Variants in PRKG1 observed in about 807,000 individuals in gnomAD.
PRKG1 encodes protein kinase cGMP-dependent 1.
A neutral mutation model predicts 88.1 loss-of-function variants in PRKG1; 35 were observed. The ratio of observed to expected loss-of-function variants is 0.40; its 90% CI spans 0.30 to 0.53. The LOEUF is 0.53. PRKG1 is among the 20% of genes least tolerant of loss of function. The pLI is 0.59. For synonymous variants in PRKG1, 303 were observed against 292.5 expected (o/e 1.04, Z -0.37); for missense variants, 540 against 839.8 (o/e 0.64, Z 4.41).
chr10:51,079,494 C>T (rs1220724578), intron 1 of PRKG1, among the ~76,000 whole-genome samples: 1 of 152,172 alleles, frequency 6.6e-6, no homozygotes, highest in Non-Finnish European at 1.5e-5. Flanking sequence ...AGCAAAGTGA[C>T]AGCACAGAAA....
At position 51,632,923 on chromosome 10, in the gene PRKG1, G is replaced by A. The variant is rs556399116; in HGVS notation, c.592+165087G>A. Among the ~76,000 whole-genome samples, 4 of 152,236 alleles carry A rather than the reference G, an allele frequency of 2.6e-5. No individual in the cohort carries two copies. In the East Asian group the frequency reaches 7.7e-4, roughly 29 times the overall value. ...GTAGGAGTAATGCTTTGAGCCCTTA[G>A]TATTTTCCAAACTCTTATCAGCCTC... is the stretch of plus-strand genomic sequence containing the variant. On this transcript the variant is annotated intron_variant, in intron 3 of 17. Transcript: ENST00000373980.
At chr10:52,275,617 T>C (rs1841853992) in intron 12 of PRKG1, among the ~76,000 whole-genome samples, 1 of 152,174 alleles carries the variant, frequency 6.6e-6, no homozygotes, top group Admixed American at 6.6e-5. Context: ...GTTAGTGTGA[T>C]GTCTCCAGAT....
upstream of PRKG1, among the ~76,000 whole-genome samples, chr10:51,070,954 A>C (rs1028256994): frequency 1.3e-5 from 2 of 152,198 alleles, no homozygotes; most frequent in South Asian, 2.1e-4. Context: ...TCTAATGTCA[A>C]AGCTTCATCT....
At chr10:51,814,862 G>T (rs2132630432) in intron 4 of PRKG1, among the ~76,000 whole-genome samples, 1 of 152,136 alleles carries the variant, frequency 6.6e-6, no homozygotes, top group Middle Eastern at 3.4e-3. Flanking sequence ...ATTTCATATT[G>T]TTACTTTCAC....
intron 3 of PRKG1, among the ~76,000 whole-genome samples, chr10:51,680,905 A>T (rs1423571383): frequency 6.6e-6 from 1 of 152,218 alleles, no homozygotes; most frequent in African/African-American, 2.4e-5. Flanking sequence ...GATGAGTAAA[A>T]TGAGCTAGTT....
chr10:52,084,630 A>G (rs1003049918), intron 7 of PRKG1, among the ~76,000 whole-genome samples: 5 of 152,046 alleles, frequency 3.3e-5, no homozygotes, highest in Non-Finnish European at 7.4e-5. Flanking sequence ...AACAAGTTCA[A>G]TCGTTCACCC....
chr10:51,999,318 T>C (rs945244245), intron 5 of PRKG1, among the ~76,000 whole-genome samples: 6 of 152,190 alleles, frequency 3.9e-5, no homozygotes, highest in African/African-American at 1.4e-4. Flanking sequence ...CCGGAAGGGA[T>C]GCCATCTGTT....
intron 2 of PRKG1, among the ~76,000 whole-genome samples, chr10:51,445,406 C>T (rs293253): frequency 1.3e-5 from 2 of 150,732 alleles, no homozygotes; most frequent in Non-Finnish European, 3.0e-5. Context: ...TAAAAGTTAG[C>T]CTTTGATCAT....
chr10:52,213,165 G>GT (rs1840024642), intron 9 of PRKG1, among the ~76,000 whole-genome samples: 1 of 151,340 alleles, frequency 6.6e-6, no homozygotes, highest in African/African-American at 2.4e-5. Flanking sequence ...AAACTTAAAA[G>GT]TATAATAAAA....
At chr10:51,187,821 TA>T (rs532092321) in intron 2 of PRKG1, among the ~76,000 whole-genome samples, 258 of 152,166 alleles carry the variant, frequency 1.7e-3, no homozygotes, top group African/African-American at 5.7e-3. Context: ...ATGAAAAGAT[TA>T]TTTTTTTATG....
intron 3 of PRKG1, among the ~76,000 whole-genome samples, chr10:51,497,531 G>T (rs773939897): frequency 6.6e-6 from 1 of 152,292 alleles, no homozygotes; most frequent in Admixed American, 6.5e-5. Flanking sequence ...GAGTGTGGTC[G>T]CATGATAATG....
chr10:51,737,737 A>ATTT (rs752573946), intron 3 of PRKG1, among the ~76,000 whole-genome samples: 1 of 137,166 alleles, frequency 7.3e-6, no homozygotes, highest in South Asian at 2.3e-4. Context: ...TTATTTATTT[A>ATTT]TTAATTATTA....
chr10:51,969,813 G>A (rs189308913), intron 5 of PRKG1, among the ~76,000 whole-genome samples: 16 of 151,984 alleles, frequency 1.1e-4, no homozygotes, highest in South Asian at 4.2e-4. Context: ...ATACTCTGCC[G>A]ATAGGATACA....
chr10:51,080,748 C>T (rs773014917), intron 1 of PRKG1, among the ~76,000 whole-genome samples: 1 of 152,190 alleles, frequency 6.6e-6, no homozygotes, highest in Non-Finnish European at 1.5e-5. Flanking sequence ...TGTTTGCCAC[C>T]CCTTCCCCGA....
intron 3 of PRKG1, among the ~76,000 whole-genome samples, chr10:51,554,294 A>ATG (rs1043424341): frequency 2.0e-5 from 3 of 146,408 alleles, no homozygotes; most frequent in Non-Finnish European, 3.0e-5. Context: ...TATATTATAT[A>ATG]TGTATATATA....
At chr10:51,416,630 G>A (rs768614744) in intron 2 of PRKG1, among the ~76,000 whole-genome samples, 7 of 152,074 alleles carry the variant, frequency 4.6e-5, no homozygotes, top group Non-Finnish European at 1.0e-4. Context: ...TGCTTGCAAA[G>A]GGCTTAGCAC....
At chr10:51,287,650 G>T (rs151066016) in intron 2 of PRKG1, among the ~76,000 whole-genome samples, 1 of 152,312 alleles carries the variant, frequency 6.6e-6, no homozygotes, top group Admixed American at 6.5e-5. Flanking sequence ...CTGCCTTAGA[G>T]AAGGTGGTCA....
At chr10:51,163,753 T>C (rs1033609484) in intron 2 of PRKG1, among the ~76,000 whole-genome samples, 3 of 152,228 alleles carry the variant, frequency 2.0e-5, no homozygotes, top group Admixed American at 6.5e-5. Flanking sequence ...ATCTCGCACC[T>C]GGCTGGGAGG....
At position 51,890,250 on chromosome 10, in the gene PRKG1, A is replaced by T. The variant is rs190973268; in HGVS notation, c.699-17257A>T. 4.6e-5 allele frequency among the ~76,000 whole-genome samples: 7 copies of T among 152,302 alleles called. No individual in the cohort carries two copies. In the East Asian group the frequency reaches 1.4e-3, roughly 29 times the overall value. On this transcript the variant is annotated intron_variant, in intron 4 of 17. Transcript: ENST00000373980. ...TAATTTTTGTATAAGGTTAACACAC[A>T]TTCTTACCTTCACATTAATCTGTCC... is the stretch of plus-strand genomic sequence containing the variant.
Sources: allele counts gnomAD v4.1 joint callset (sites outside exome capture counted in the v4.1 genomes callset), GRCh38; gene constraint gnomAD v4.1.1; transcripts MANE v1.5; gene names NCBI Gene and HGNC (gene_info 2026-07-23, HGNC 2026-07-21).